Variants in PLEKHM3 observed in about 807,000 individuals in gnomAD.
PLEKHM3 encodes pleckstrin homology domain-containing family M member 3.
In PLEKHM3, 45 loss-of-function variants were observed where a neutral mutation model predicts 81.8. That is an observed-to-expected ratio of 0.55 (90% CI 0.43 to 0.71). The LOEUF (loss-of-function observed/expected upper bound fraction) is 0.71, where lower values mean the gene tolerates loss of function less well. PLEKHM3 is among the 30% of genes least tolerant of loss of function. The pLI is 0.00. For missense variants in PLEKHM3, 788 were observed against 924.3 expected (o/e 0.85, Z 1.91); for synonymous variants, 352 against 356.4 (o/e 0.99, Z 0.14).
chr2:207,973,788 G>A (rs1691207438), intron 3 of PLEKHM3, among the ~76,000 whole-genome samples: 1 of 152,044 alleles, frequency 6.6e-6, no homozygotes, highest in Non-Finnish European at 1.5e-5. Context: ...GTGCTGGTAT[G>A]AAAAACAACC....
chr2:207,964,526 C>T (rs1381689299), intron 3 of PLEKHM3, among the ~76,000 whole-genome samples: 3 of 151,884 alleles, frequency 2.0e-5, no homozygotes, highest in East Asian at 1.9e-4. Context: ...GAGAAATGTT[C>T]GATTATATCT....
intron 6 of PLEKHM3, among the ~76,000 whole-genome samples, chr2:207,865,554 G>T (rs1232424553): frequency 2.6e-5 from 4 of 151,576 alleles, no homozygotes; most frequent in Non-Finnish European, 5.9e-5. Context: ...GAAGCGGGCA[G>T]ATCACCTGAG....
intron 6 of PLEKHM3, among the ~76,000 whole-genome samples, chr2:207,880,775 A>AAAAAAAAAAAAAAAAAAAAAAAAAAAC (rs2092586071): frequency 7.3e-6 from 1 of 136,888 alleles, no homozygotes; most frequent in Non-Finnish European, 1.6e-5. Flanking sequence ...AAAAAAAAAA[A>AAAAAAAAAAAAAAAAAAAAAAAAAAAC]AAAAAAAAAA....
At chr2:207,837,307 T>C (rs987893834) in intron 7 of PLEKHM3, among the ~76,000 whole-genome samples, 1 of 152,160 alleles carries the variant, frequency 6.6e-6, no homozygotes, top group African/African-American at 2.4e-5. Context: ...ATATGATTAA[T>C]AGGATTAATT....
At chr2:208,011,764 A>T (rs1223527396) in intron 1 of PLEKHM3, among the ~76,000 whole-genome samples, 3 of 136,568 alleles carry the variant, frequency 2.2e-5, no homozygotes, top group East Asian at 4.1e-4. Flanking sequence ...AATAAAAAAA[A>T]TTTTTAAGTG....
intron 6 of PLEKHM3, among the ~76,000 whole-genome samples, chr2:207,898,527 G>C (rs1289473343): frequency 6.6e-6 from 1 of 152,190 alleles, no homozygotes; most frequent in African/African-American, 2.4e-5. Context: ...GCTGAGGCGG[G>C]CAAATCACTT....
intron 2 of PLEKHM3, among the ~76,000 whole-genome samples, chr2:207,989,537 C>G (rs1301102447): frequency 6.6e-6 from 1 of 152,180 alleles, no homozygotes; most frequent in Admixed American, 6.5e-5. Context: ...TTTCACAAGT[C>G]CCACTTTCTC....
At chr2:207,923,899 A>ATTT (rs1559238875) in intron 5 of PLEKHM3, among the ~76,000 whole-genome samples, 26 of 82,580 alleles carry the variant, frequency 3.1e-4, no homozygotes, top group Non-Finnish European at 5.2e-4. Flanking sequence ...ATATATATAT[A>ATTT]TATATATTTT....
chr2:207,982,236 C>A (rs1423439582), intron 2 of PLEKHM3, among the ~76,000 whole-genome samples: 4 of 128,250 alleles, frequency 3.1e-5, no homozygotes, highest in African/African-American at 5.8e-5. Flanking sequence ...TCCCTCACTC[C>A]CCCCCTCGCT....
At chr2:207,888,280 G>C (rs1035959132) in intron 6 of PLEKHM3, among the ~76,000 whole-genome samples, 2 of 151,988 alleles carry the variant, frequency 1.3e-5, no homozygotes, top group Non-Finnish European at 2.9e-5. Context: ...CCTCAGCTTT[G>C]CTATTGAATT....
intron 7 of PLEKHM3, among the ~76,000 whole-genome samples, chr2:207,835,186 G>A (rs1170182405): frequency 2.0e-5 from 3 of 151,118 alleles, no homozygotes; most frequent in East Asian, 2.0e-4. Context: ...CTTGTGATCC[G>A]CCCGCCTTGG....
intron 4 of PLEKHM3, among the ~76,000 whole-genome samples, chr2:207,934,012 T>C (rs1689670435): frequency 6.6e-6 from 1 of 152,166 alleles, no homozygotes; most frequent in Admixed American, 6.5e-5. Flanking sequence ...TAGAGCATTG[T>C]ATCCCCACTG....
At chr2:207,889,084 T>C (rs893010813) in intron 6 of PLEKHM3, among the ~76,000 whole-genome samples, 1 of 152,160 alleles carries the variant, frequency 6.6e-6, no homozygotes. Flanking sequence ...GTGATCTGAA[T>C]GGGTCATTTA....
At chr2:207,865,696 C>T (rs2092492075) in intron 6 of PLEKHM3, among the ~76,000 whole-genome samples, 2 of 145,772 alleles carry the variant, frequency 1.4e-5, no homozygotes, top group Non-Finnish European at 3.0e-5. Context: ...AGGAGAATTG[C>T]TTGAACCCAG....
chr2:207,979,942 A>C (rs936623254), intron 2 of PLEKHM3, among the ~76,000 whole-genome samples: 5 of 152,236 alleles, frequency 3.3e-5, no homozygotes, highest in African/African-American at 1.2e-4. Context: ...CTTTGTAGAA[A>C]GAGATAATGG....
intron 2 of PLEKHM3, among the ~76,000 whole-genome samples, chr2:207,983,480 C>G (rs571672125): frequency 6.6e-6 from 1 of 151,954 alleles, no homozygotes; most frequent in African/African-American, 2.4e-5. Context: ...GATAGGATCA[C>G]GGACAGAGTA....
intron 4 of PLEKHM3, among the ~76,000 whole-genome samples, chr2:207,934,219 T>C (rs922848440): frequency 1.3e-5 from 2 of 152,196 alleles, no homozygotes; most frequent in Non-Finnish European, 2.9e-5. Flanking sequence ...CTGACTATGT[T>C]CCAACTAAGA....
intron 6 of PLEKHM3, among the ~76,000 whole-genome samples, chr2:207,885,720 T>C (rs928979938): frequency 1.3e-5 from 2 of 152,248 alleles, no homozygotes; most frequent in Non-Finnish European, 2.9e-5. Flanking sequence ...GTATTCCAGT[T>C]GATTGATTGC....
intron 1 of PLEKHM3, among the ~76,000 whole-genome samples, chr2:208,004,929 G>A (rs1445158987): frequency 1.3e-5 from 2 of 152,082 alleles, no homozygotes; most frequent in African/African-American, 2.4e-5. Context: ...GCGTTCAAGC[G>A]ATTCTCCTGC....
Sources: allele counts gnomAD v4.1 joint callset (sites outside exome capture counted in the v4.1 genomes callset), GRCh38; gene constraint gnomAD v4.1.1; transcripts MANE v1.5; gene names NCBI Gene and HGNC (gene_info 2026-07-23, HGNC 2026-07-21).